The following CALCR variants were observed in gnomAD, a reference collection of about 807,000 sequenced individuals.
CALCR encodes calcitonin receptor.
Under a neutral mutation model 59.5 loss-of-function variants are expected in CALCR, and 47 were observed. The observed-to-expected ratio is 0.79, with a 90% CI of 0.63 to 1.01. CALCR has a LOEUF of 1.01. Ranked by LOEUF, CALCR falls within the 50% of genes least tolerant of loss-of-function variation. The probability of loss-of-function intolerance (pLI) is 0.00; values close to 1 mark genes in which losing one functional copy is unlikely to be tolerated. For synonymous variants in CALCR, 213 were observed against 211.3 expected, an observed-to-expected ratio of 1.01 and a Z score of -0.07; for missense variants, 566 against 597.1, an observed-to-expected ratio of 0.95 and a Z score of 0.54.
At chr7:93,553,063 A>G (rs1374558607) in intron 2 of CALCR, among the ~76,000 whole-genome samples, 1 of 152,208 alleles carries the variant, frequency 6.6e-6, no homozygotes, top group East Asian at 1.9e-4. Flanking sequence ...CTTTCAAAAT[A>G]TATCACGTTA....
chr7:93,539,104 T>C (rs574176082), intron 2 of CALCR, among the ~76,000 whole-genome samples: 2 of 152,228 alleles, frequency 1.3e-5, no homozygotes, highest in East Asian at 1.9e-4. Flanking sequence ...TATGTTACAA[T>C]AGCTCCCCAG....
chr7:93,573,059 G>C (rs1790041881), intron 2 of CALCR, among the ~76,000 whole-genome samples: 1 of 152,102 alleles, frequency 6.6e-6, no homozygotes, highest in African/African-American at 2.4e-5. Flanking sequence ...AACTTAAACT[G>C]TAAAGGTTTT....
chr7:93,574,446 A>G lies in CALCR; in HGVS notation c.-184T>C, dbSNP rs1325929393. On this transcript the variant is annotated 5_prime_UTR_variant, in exon 2 of 14. Transcript: ENST00000426151. ...AGGTGCGGACGTGCGCACTTCTCCAACCCGGGAAGGTCCGCCAGCCGCGCG... is the reference window on the plus strand; with the variant it reads ...AGGTGCGGACGTGCGCACTTCTCCAGCCCGGGAAGGTCCGCCAGCCGCGCG... 6.6e-6 allele frequency: 1 copy of G among 150,416 alleles called. No homozygotes were observed. Among genetic ancestry groups the G allele is most frequent in the African/African-American group, 2.4e-5 (1 of 40,844 alleles). 9.3% of individuals were successfully genotyped at this position (150,416 alleles called of 1,614,324 possible).
intron 2 of CALCR, among the ~76,000 whole-genome samples, chr7:93,488,871 C>A (rs1051406229): frequency 6.6e-6 from 1 of 151,714 alleles, no homozygotes; most frequent in South Asian, 2.1e-4. Context: ...AGAAAATTAG[C>A]AAGGATATTC....
intron 2 of CALCR, among the ~76,000 whole-genome samples, chr7:93,557,212 T>C (rs979935671): frequency 6.6e-6 from 1 of 152,002 alleles, no homozygotes; most frequent in Non-Finnish European, 1.5e-5. Context: ...AATCTCAGAC[T>C]GCTTATGTAT....
intron 2 of CALCR, among the ~76,000 whole-genome samples, chr7:93,561,572 C>G (rs1789749079): frequency 6.6e-6 from 1 of 152,056 alleles, no homozygotes; most frequent in Non-Finnish European, 1.5e-5. Flanking sequence ...CATCAACTAT[C>G]ACCATCATTA....
Position 93,442,728 on chromosome 7 carries a change from C to A in CALCR, c.802+876G>T, listed in dbSNP as rs546685491. ...GCCTCTGCTCTCAGAGTCACAGTCA[C>A]CCATCATGTGGGGTGGATGTGGTGA... On this transcript the variant is annotated intron_variant, in intron 9 of 13. Transcript: ENST00000426151. Among the ~76,000 whole-genome samples the A allele has an allele frequency of 2.6e-5, 4 of 152,170 alleles. No individual in the cohort carries two copies. The East Asian group carries it at 5.8e-4, about 22-fold the overall frequency.
chr7:93,476,006 C>G (rs1357841656), intron 5 of CALCR, among the ~76,000 whole-genome samples: 1 of 151,798 alleles, frequency 6.6e-6, no homozygotes, highest in Non-Finnish European at 1.5e-5. Flanking sequence ...CTTGCAGATT[C>G]CGAGGTCCTG....
chr7:93,473,831 C>A (rs1335815806), intron 5 of CALCR, among the ~76,000 whole-genome samples: 1 of 151,514 alleles, frequency 6.6e-6, no homozygotes, highest in Non-Finnish European at 1.5e-5. Flanking sequence ...ATTATTTTTT[C>A]AATTATTTTT....
intron 2 of CALCR, among the ~76,000 whole-genome samples, chr7:93,547,057 G>T (rs1458882662): frequency 6.6e-6 from 1 of 152,148 alleles, no homozygotes; most frequent in African/African-American, 2.4e-5. Context: ...AATGGAGACA[G>T]ATCTCACCTG....
At chr7:93,534,297 A>C (rs1788927011) in intron 2 of CALCR, among the ~76,000 whole-genome samples, 1 of 151,832 alleles carries the variant, frequency 6.6e-6, no homozygotes, top group Non-Finnish European at 1.5e-5. Flanking sequence ...AGTAAAGCTG[A>C]GTATGATTAA....
intron 5 of CALCR, among the ~76,000 whole-genome samples, chr7:93,475,467 A>C (rs1233248086): frequency 2.0e-5 from 3 of 151,860 alleles, no homozygotes; most frequent in Non-Finnish European, 4.4e-5. Context: ...GTTATTTGTC[A>C]ATGACAACCC....
chr7:93,426,846 G>A (rs1465221938), intron 13 of CALCR, among the ~76,000 whole-genome samples: 1 of 152,164 alleles, frequency 6.6e-6, no homozygotes, highest in Non-Finnish European at 1.5e-5. Context: ...GGTTTCTTTA[G>A]CTTTCATATC....
chr7:93,487,199 C>T (rs1562993360), intron 2 of CALCR, among the ~76,000 whole-genome samples, 192 bp from the exon 3 acceptor site: 1 of 151,272 alleles, frequency 6.6e-6, no homozygotes, highest in African/African-American at 2.4e-5. Flanking sequence ...TTCCTGTCAA[C>T]TAGATTGTTA....
At chr7:93,442,957 G>A (rs1275303803) in intron 9 of CALCR, among the ~76,000 whole-genome samples, 4 of 152,158 alleles carry the variant, frequency 2.6e-5, no homozygotes, top group Non-Finnish European at 5.9e-5. Context: ...CTGGGGGAAA[G>A]GGAGCAATTC....
chr7:93,477,241 C>T lies in CALCR; in HGVS notation c.316+317G>A, dbSNP rs569723702. 1.4e-4 allele frequency among the ~76,000 whole-genome samples: 21 copies of T among 151,918 alleles called. No individual in the cohort carries two copies. The East Asian group carries it at 3.9e-3, about 28-fold the overall frequency. On this transcript the variant is annotated intron_variant, in intron 5 of 13. Transcript: ENST00000426151. ...TCCTTCATAATTAAGATTTCTACCC[C>T]TTTTTCAGTGAGACAATTGAAAAAT...
chr7:93,483,026 C>T (rs570146221), intron 3 of CALCR, among the ~76,000 whole-genome samples: 1 of 151,844 alleles, frequency 6.6e-6, no homozygotes, highest in South Asian at 2.1e-4. Flanking sequence ...ATACAGTCAT[C>T]CCTTGGTATA....
At chr7:93,446,501 G>A (rs1314365126) in intron 8 of CALCR, among the ~76,000 whole-genome samples, 4 of 151,932 alleles carry the variant, frequency 2.6e-5, no homozygotes, top group Non-Finnish European at 4.4e-5. Context: ...AGATATTCAA[G>A]GTAATTCAGT....
chr7:93,473,032 G>A (rs1469200066), intron 5 of CALCR, among the ~76,000 whole-genome samples: 1 of 151,628 alleles, frequency 6.6e-6, no homozygotes, highest in African/African-American at 2.4e-5. Flanking sequence ...CAAAACTAAG[G>A]GATATATCAA....
Sources: gnomAD v4.1 joint callset for allele counts (sites outside exome capture counted in the v4.1 genomes callset) on GRCh38, gnomAD v4.1.1 for gene constraint, MANE v1.5 for transcripts, NCBI Gene and HGNC (gene_info 2026-07-23, HGNC 2026-07-21) for gene names.